Variants in PDE3A observed in about 807,000 individuals in gnomAD.
The protein encoded by PDE3A is cGMP-inhibited 3',5'-cyclic phosphodiesterase 3A.
A neutral mutation model predicts 98.3 loss-of-function variants in PDE3A; 43 were observed. The observed-to-expected ratio is 0.44, with a 90% CI of 0.34 to 0.56. The LOEUF (loss-of-function observed/expected upper bound fraction) is 0.56. Among genes scored for constraint, PDE3A ranks in the 20% least tolerant of loss-of-function variants. PDE3A has a pLI of 0.01. For missense variants in PDE3A, 1,427 were observed against 1,440.7 expected, an observed-to-expected ratio of 0.99 and a Z score of 0.15; for synonymous variants, 663 against 567.9, an observed-to-expected ratio of 1.17 and a Z score of -2.38.
intron 1 of PDE3A, among the ~76,000 whole-genome samples, chr12:20,451,230 T>G (rs959838410): frequency 1.3e-5 from 2 of 152,190 alleles, no homozygotes; most frequent in African/African-American, 4.8e-5. Flanking sequence ...CTCAGTGTAT[T>G]AACAGTTTTC....
intron 3 of PDE3A, among the ~76,000 whole-genome samples, chr12:20,614,519 A>C (rs1048933191): frequency 6.6e-6 from 1 of 152,166 alleles, no homozygotes; most frequent in African/African-American, 2.4e-5. Context: ...TGTGATCTTC[A>C]TAACTTTGTC....
intron 1 of PDE3A, among the ~76,000 whole-genome samples, chr12:20,503,792 C>A (rs1287002589): frequency 6.6e-6 from 1 of 151,978 alleles, no homozygotes; most frequent in Non-Finnish European, 1.5e-5. Flanking sequence ...AATTTATAAA[C>A]CACCCTAGAA....
At chr12:20,675,236 GTTA>G (rs1349249375) in intron 15 of PDE3A, among the ~76,000 whole-genome samples, 1 of 151,588 alleles carries the variant, frequency 6.6e-6, no homozygotes, top group East Asian at 1.9e-4. Context: ...AGTTTCTTTT[GTTA>G]TTGATTTCTA....
intron 5 of PDE3A, 129 bp downstream of exon 5, chr12:20,621,540 C>T: frequency 1.8e-6 from 1 of 568,072 alleles, no homozygotes; most frequent in African/African-American, 1.9e-5. Context: ...ATTCTAATAA[C>T]CAATTAGTTA....
chr12:20,634,335 G>A (rs1944450689), intron 7 of PDE3A, among the ~76,000 whole-genome samples: 1 of 152,130 alleles, frequency 6.6e-6, no homozygotes, highest in Non-Finnish European at 1.5e-5. Context: ...TTCAGACTCT[G>A]GGTGTTTACT....
chr12:20,462,188 A>T (rs1359533730), intron 1 of PDE3A, among the ~76,000 whole-genome samples: 1 of 152,184 alleles, frequency 6.6e-6, no homozygotes, highest in East Asian at 1.9e-4. Flanking sequence ...TATCAGGAAG[A>T]TTAAAAATTG....
intron 2 of PDE3A, among the ~76,000 whole-genome samples, chr12:20,598,474 A>G (rs2121400306): frequency 6.6e-6 from 1 of 152,196 alleles, no homozygotes; most frequent in Admixed American, 6.5e-5. Flanking sequence ...CTACCACACC[A>G]GGCCCTACTG....
At chr12:20,603,583 A>G (rs1943645116) in intron 2 of PDE3A, among the ~76,000 whole-genome samples, 2 of 152,042 alleles carry the variant, frequency 1.3e-5, no homozygotes, top group Non-Finnish European at 2.9e-5. Context: ...TTATTTTGGT[A>G]GAGAAATCAT....
chr12:20,474,608 A>T (rs1945496849), intron 1 of PDE3A, among the ~76,000 whole-genome samples: 1 of 152,184 alleles, frequency 6.6e-6, no homozygotes, highest in South Asian at 2.1e-4. Context: ...CTCCAGGGGA[A>T]AATTCTTTTC....
intron 1 of PDE3A, among the ~76,000 whole-genome samples, chr12:20,388,906 A>G (rs1943863060): frequency 6.6e-6 from 1 of 152,078 alleles, no homozygotes; most frequent in Non-Finnish European, 1.5e-5. Context: ...AAATGGTGCC[A>G]CATCTAGGAT....
chr12:20,678,864 A>C (rs1182253080), intron 15 of PDE3A, among the ~76,000 whole-genome samples: 2 of 152,238 alleles, frequency 1.3e-5, no homozygotes, highest in African/African-American at 4.8e-5. Context: ...GCAGAAGTAG[A>C]ATTTAACAAC....
intron 1 of PDE3A, among the ~76,000 whole-genome samples, chr12:20,379,020 G>A (rs1372579460): frequency 6.6e-6 from 1 of 151,668 alleles, no homozygotes; most frequent in Non-Finnish European, 1.5e-5. Context: ...GGTTTAATAG[G>A]ATTTTAGTAA....
chr12:20,503,674 C>T (rs1276701070), intron 1 of PDE3A, among the ~76,000 whole-genome samples: 1 of 151,942 alleles, frequency 6.6e-6, no homozygotes, highest in Admixed American at 6.6e-5. Context: ...TGTCCAGATG[C>T]ATGTTATTAT....
chr12:20,654,668 TTTTTTTTTTTTTTTTTTGTA>T (rs567310695), intron 15 of PDE3A, among the ~76,000 whole-genome samples: 6,553 of 144,452 alleles, frequency 0.045, 267 homozygotes, highest in African/African-American at 0.1. Flanking sequence ...GGCTTTTTTT[TTTTTTTTTTTTTTTTTTGTA>T]TTTTGAGTAG....
At chr12:20,566,057 CAA>C (rs1360674447) in intron 2 of PDE3A, among the ~76,000 whole-genome samples, 1 of 151,848 alleles carries the variant, frequency 6.6e-6, no homozygotes, top group African/African-American at 2.4e-5. Context: ...TCAGTAAACC[CAA>C]AGTTACCAGG....
At chr12:20,517,520 T>G (rs1005741879) in intron 1 of PDE3A, among the ~76,000 whole-genome samples, 6 of 152,230 alleles carry the variant, frequency 3.9e-5, no homozygotes, top group African/African-American at 1.2e-4. Context: ...ATAAGCTTCT[T>G]TATAAAATTT....
chr12:20,554,415 T>TA (rs1942312533), intron 1 of PDE3A, among the ~76,000 whole-genome samples: 1 of 122,960 alleles, frequency 8.1e-6, no homozygotes, highest in Non-Finnish European at 2.0e-5. Flanking sequence ...AATTTTTTTT[T>TA]TATTTCCCAA....
intron 1 of PDE3A, among the ~76,000 whole-genome samples, chr12:20,550,984 TTA>T (rs1161890376): frequency 1.3e-5 from 2 of 150,388 alleles, no homozygotes; most frequent in South Asian, 2.1e-4. Flanking sequence ...AATATATGTA[TTA>T]TATATATTTT....
chr12:20,622,956 T>C (rs11045338), intron 5 of PDE3A, among the ~76,000 whole-genome samples: 48,501 of 151,900 alleles, frequency 0.32, 7,814 homozygotes, highest in Admixed American at 0.38. Context: ...AACAAAAATA[T>C]AACTTTCTAG....
Sources: gnomAD v4.1 joint callset for allele counts (sites outside exome capture counted in the v4.1 genomes callset) on GRCh38, gnomAD v4.1.1 for gene constraint, MANE v1.5 for transcripts, NCBI Gene and HGNC (gene_info 2026-07-23, HGNC 2026-07-21) for gene names.